The following SPPL3 variants were observed in gnomAD, a reference collection of about 807,000 sequenced individuals.
SPPL3 encodes the protein signal peptide peptidase-like 3.
In SPPL3, 5 loss-of-function variants were observed where a neutral mutation model predicts 42.4. That is an observed-to-expected ratio of 0.12 (90% CI 0.06 to 0.25). SPPL3 has a LOEUF of 0.25. Ranked by LOEUF, SPPL3 falls within the 10% of genes least tolerant of loss-of-function variation. The probability of loss-of-function intolerance (pLI) is 1.00; values close to 1 mark genes in which losing one functional copy is unlikely to be tolerated. For missense variants in SPPL3, 235 were observed against 489.0 expected (o/e 0.48, Z 4.90); for synonymous variants, 195 against 181.8 (o/e 1.07, Z -0.58).
At chr12:120,822,079 T>C (rs893916184) in intron 1 of SPPL3, among the ~76,000 whole-genome samples, 6 of 152,160 alleles carry the variant, frequency 3.9e-5, no homozygotes, top group African/African-American at 1.4e-4. Context: ...GAATAGCGGA[T>C]ACCAGGACTG....
intron 1 of SPPL3, among the ~76,000 whole-genome samples, chr12:120,831,436 A>T (rs1171119297): frequency 6.6e-6 from 1 of 152,218 alleles, no homozygotes; most frequent in Non-Finnish European, 1.5e-5. Flanking sequence ...TCCACTCTTC[A>T]TAAGTCCTTT....
At chr12:120,899,705 A>C (rs1873915228) in intron 1 of SPPL3, among the ~76,000 whole-genome samples, 1 of 151,874 alleles carries the variant, frequency 6.6e-6, no homozygotes, top group Non-Finnish European at 1.5e-5. Context: ...ATCCTGGCTA[A>C]CATGGTGAAA....
intron 1 of SPPL3, among the ~76,000 whole-genome samples, chr12:120,901,590 TAA>T (rs754148484): frequency 5.8e-5 from 6 of 103,442 alleles, no homozygotes; most frequent in African/African-American, 1.1e-4. Context: ...GACTCCGTCC[TAA>T]AAAAAAAAAA....
chr12:120,827,411 G>T (rs1297361665), intron 1 of SPPL3, among the ~76,000 whole-genome samples: 1 of 151,452 alleles, frequency 6.6e-6, no homozygotes, highest in Non-Finnish European at 1.5e-5. Context: ...GGCTCTTACT[G>T]AGTTGCTAGA....
At position 120,764,860 on chromosome 12, in the gene SPPL3, T is replaced by G; in HGVS notation, c.*139A>C. The G allele has an allele frequency of 2.2e-6, 2 of 920,662 alleles. No individual in the cohort carries two copies. Among genetic ancestry groups the G allele is most frequent in the East Asian group, 2.8e-5 (1 of 35,660 alleles). 57.0% of individuals were successfully genotyped at this position (920,662 alleles called of 1,614,324 possible). On this transcript the variant is annotated 3_prime_UTR_variant, in exon 11 of 11. Transcript: ENST00000353487. Reference sequence around the variant, plus strand: ...CTCTCTCCTGCAAACGAGCTCCCTTTAAATGCCAAATCCAGTCACACGGCA... The same window carrying G: ...CTCTCTCCTGCAAACGAGCTCCCTTGAAATGCCAAATCCAGTCACACGGCA...
chr12:120,898,037 C>T (rs192019457), intron 1 of SPPL3, among the ~76,000 whole-genome samples: 23 of 151,882 alleles, frequency 1.5e-4, no homozygotes, highest in African/African-American at 5.3e-4. Context: ...ACGGGCCAGG[C>T]GCAGTGGCTC....
At chr12:120,873,171 T>C (rs1397444001) in intron 1 of SPPL3, among the ~76,000 whole-genome samples, 1 of 152,138 alleles carries the variant, frequency 6.6e-6, no homozygotes, top group Non-Finnish European at 1.5e-5. Flanking sequence ...GTATCTCAAA[T>C]GAAAAACACA....
In SPPL3 at chr12:120,821,129, T is replaced by C. The variant is rs989839631; in HGVS notation, c.24-10243A>G. Among the ~76,000 whole-genome samples the C allele has an allele frequency of 1.4e-4, 21 of 152,330 alleles. 1 individual carries two copies. The highest frequency in any genetic ancestry group is 1.2e-3 in the South Asian group (6 of 4,830). On this transcript the variant is annotated intron_variant, in intron 1 of 10. Transcript: ENST00000353487. ...GTATTAGTCTTCAAGGCAGTAAAGATGATCTGGAGTAATTTTGTTTTCAAA... is the reference window on the plus strand; with the variant it reads ...GTATTAGTCTTCAAGGCAGTAAAGACGATCTGGAGTAATTTTGTTTTCAAA...
chr12:120,784,419 G>A (rs1869647573), intron 4 of SPPL3, 55 bp downstream of exon 4: 2 of 1,486,802 alleles, frequency 1.3e-6, no homozygotes, highest in Non-Finnish European at 1.8e-6. Context: ...CAATGATAAA[G>A]GTGAAAAATT....
At chr12:120,797,990 G>A (rs769026801) in intron 2 of SPPL3, among the ~76,000 whole-genome samples, 2 of 152,154 alleles carry the variant, frequency 1.3e-5, no homozygotes, top group Non-Finnish European at 2.9e-5. Context: ...GGGGGTCTGG[G>A]GAGGATAATC....
rs991157234 is a variant in SPPL3 at position 120,807,304 on chromosome 12, C to T, written c.101+3505G>A. ...CCCTTACCTGTCACCGAAGGGTACA[C>T]TAAAAAATGGTTTAAATGGTACATT... On this transcript the variant is annotated intron_variant, in intron 2 of 10. Transcript: ENST00000353487. Among the ~76,000 whole-genome samples, 7 of 152,072 alleles carry T rather than the reference C, an allele frequency of 4.6e-5. No individual in the cohort carries two copies. The South Asian group carries it at 1.4e-3, about 31-fold the overall frequency.
intron 1 of SPPL3, among the ~76,000 whole-genome samples, chr12:120,830,143 G>A (rs1871352481): frequency 1.3e-5 from 2 of 148,310 alleles, no homozygotes; most frequent in Admixed American, 1.4e-4. Context: ...TCTGGTCTTA[G>A]ATACATTAAT....
chr12:120,768,244 G>C, intron 8 of SPPL3, 81 bp downstream of exon 8: 1 of 1,475,612 alleles, frequency 6.8e-7, no homozygotes, highest in Non-Finnish European at 9.1e-7. Context: ...TCAGAATGCT[G>C]ATGACATTAG....
chr12:120,898,603 G>A (rs577135776), intron 1 of SPPL3, among the ~76,000 whole-genome samples: 3 of 151,974 alleles, frequency 2.0e-5, no homozygotes, highest in Non-Finnish European at 2.9e-5. Context: ...GGTACCAACA[G>A]GTAGATAATG....
At chr12:120,782,073 T>C (rs1869564625) in intron 6 of SPPL3, among the ~76,000 whole-genome samples, 1 of 152,118 alleles carries the variant, frequency 6.6e-6, no homozygotes, top group Admixed American at 6.5e-5. Context: ...TCTTGCTATG[T>C]TGTCCAGACT....
chr12:120,844,275 A>C (rs889426653), intron 1 of SPPL3, among the ~76,000 whole-genome samples: 1 of 152,044 alleles, frequency 6.6e-6, no homozygotes, highest in Non-Finnish European at 1.5e-5. Flanking sequence ...CATAGCCTAA[A>C]CCCTTCCACT....
chr12:120,815,113 A>G (rs1293822231), intron 1 of SPPL3, among the ~76,000 whole-genome samples: 1 of 152,226 alleles, frequency 6.6e-6, no homozygotes, highest in African/African-American at 2.4e-5. Context: ...TTGCACACAC[A>G]TGAAATGACC....
chr12:120,902,299 T>TAAGAA (rs1339467530), intron 1 of SPPL3, among the ~76,000 whole-genome samples: 1 of 152,222 alleles, frequency 6.6e-6, no homozygotes. Flanking sequence ...ATTATCATCT[T>TAAGAA]CAATCCCCAA....
intron 1 of SPPL3, among the ~76,000 whole-genome samples, chr12:120,842,810 G>A (rs1028532733): frequency 6.6e-6 from 1 of 152,088 alleles, no homozygotes; most frequent in Non-Finnish European, 1.5e-5. Flanking sequence ...TAGGAATTGG[G>A]TGGGTGGAGG....
Sources: gnomAD v4.1 joint callset for allele counts (sites outside exome capture counted in the v4.1 genomes callset) on GRCh38, gnomAD v4.1.1 for gene constraint, MANE v1.5 for transcripts, NCBI Gene and HGNC (gene_info 2026-07-23, HGNC 2026-07-21) for gene names.